The following HDLBP variants were observed in gnomAD, a reference collection of about 807,000 sequenced individuals.
HDLBP encodes vigilin.
A neutral mutation model predicts 137.3 loss-of-function variants in HDLBP; 30 were observed. The ratio of observed to expected loss-of-function variants is 0.22; its 90% CI spans 0.16 to 0.30. HDLBP has a LOEUF of 0.30. Among genes scored for constraint, HDLBP ranks in the 10% least tolerant of loss-of-function variants. The pLI, the probability that HDLBP is intolerant of heterozygous loss-of-function variation, is 1.00. For synonymous variants in HDLBP, 606 were observed against 596.0 expected (o/e 1.02, Z -0.24); for missense variants, 1,119 against 1,667.3 (o/e 0.67, Z 5.73).
chr2:241,252,028 C>T (rs367764341), intron 11 of HDLBP, among the ~76,000 whole-genome samples: 21 of 152,230 alleles, frequency 1.4e-4, no homozygotes, highest in African/African-American at 5.1e-4. Flanking sequence ...AGAATGCCCA[C>T]GACACACTTC....
intron 1 of HDLBP, chr2:241,270,997 C>A: frequency 1.0e-6 from 1 of 985,198 alleles, no homozygotes; most frequent in Non-Finnish European, 1.2e-6. Flanking sequence ...AAATTCATGG[C>A]CTTCTCAGGG....
In HDLBP at chr2:241,238,391, C is replaced by T. The variant is rs958973567; in HGVS notation, c.2749+258G>A. On this transcript the variant is annotated intron_variant, in intron 20 of 27. Coordinates refer to ENST00000310931, the MANE Select transcript of HDLBP (RefSeq NM_005336.6). This position sits in a 1 kb window ranked among gnomAD's most constrained non-coding sequence, Gnocchi z 4.9. Reference sequence around the variant, plus strand: ...CGGGACACCCGAGGATGAGGCTGCACGCTCCTCATCGCCTTGGGACTGGCT... The same window carrying T: ...CGGGACACCCGAGGATGAGGCTGCATGCTCCTCATCGCCTTGGGACTGGCT... 9.5e-6 allele frequency: 3 copies of T among 316,360 alleles called. No homozygotes were observed. The highest frequency in any genetic ancestry group is 4.3e-5 in the African/African-American group (2 of 46,816). 19.6% of individuals were successfully genotyped at this position (316,360 alleles called of 1,614,324 possible). A position where few individuals can be genotyped will look rare whatever the true frequency, so the allele number is the denominator to read the frequency against.
intron 1 of HDLBP, among the ~76,000 whole-genome samples, chr2:241,305,584 G>A (rs112446726): frequency 1.8e-4 from 28 of 152,308 alleles, no homozygotes; most frequent in African/African-American, 6.7e-4. Context: ...ACCACAGGAT[G>A]TAAGCATCTC....
chr2:241,232,275 CTTTTTTT>C (rs146304027), intron 24 of HDLBP, among the ~76,000 whole-genome samples: 1 of 143,462 alleles, frequency 7.0e-6, no homozygotes, highest in South Asian at 2.2e-4. Context: ...TAAACAATGA[CTTTTTTT>C]TTTTTTTTTT....
intron 5 of HDLBP, among the ~76,000 whole-genome samples, chr2:241,258,208 A>G (rs559984718): frequency 4.6e-5 from 7 of 152,016 alleles, no homozygotes; most frequent in Admixed American, 2.6e-4. Context: ...AAAAATTAGC[A>G]TGGTGGCAGG....
rs753509915 is a variant in HDLBP, at chr2:241,230,821, C to T, written c.3412G>A (p.Val1138Ile). 22 of 1,614,108 alleles carry T rather than the reference C, an allele frequency of 1.4e-5. No homozygotes were observed. The highest frequency in any genetic ancestry group is 3.3e-5 in the Admixed American group (2 of 60,012). Residue 1138 changes from valine (V) to isoleucine (I), a missense_variant, in exon 25 of 28, where the codon GTT becomes ATT. Val to Ile is a conservative substitution (Grantham distance 29). Transcript: ENST00000310931. This position sits in a 1 kb window ranked among gnomAD's most constrained non-coding sequence, Gnocchi z 5.0. ...VSEDVPLDHR[V>I]HARIIGARGK... ...CGGGCACCAATGATGCGGGCGTGAACGCGGTGGTCCAGCGGGACGTCCTCA... is the reference window on the plus strand; with the variant it reads ...CGGGCACCAATGATGCGGGCGTGAATGCGGTGGTCCAGCGGGACGTCCTCA...
chr2:241,267,936 T>G, intron 2 of HDLBP: 2 of 985,396 alleles, frequency 2.0e-6, no homozygotes, highest in Non-Finnish European at 2.4e-6. Context: ...CTCCCTTATG[T>G]GAAAAATGGG....
At chr2:241,253,792 T>C (rs1450321412) in intron 9 of HDLBP, among the ~76,000 whole-genome samples, 1 of 152,188 alleles carries the variant, frequency 6.6e-6, no homozygotes, top group African/African-American at 2.4e-5. Context: ...TCCTCCACCA[T>C]CTGAACTTTT....
intron 21 of HDLBP, 122 bp downstream of exon 21, chr2:241,236,493 A>T: frequency 1.0e-6 from 1 of 967,492 alleles, no homozygotes; most frequent in Non-Finnish European, 1.6e-6. Context: ...TAGGAGCAAG[A>T]GGGCTACCTC....
rs2070844244 is a variant in HDLBP, at chr2:241,238,629, A to G, written c.2749+20T>C. 1 of 1,529,320 alleles carries G rather than the reference A, an allele frequency of 6.5e-7. No individual in the cohort carries two copies. The allele number at this position is 1,529,320 out of a possible 1,614,324, so 94.7% of individuals were successfully genotyped here. A position where few individuals can be genotyped will look rare whatever the true frequency, so the allele number is the denominator to read the frequency against. ...AGGCGCCACTATTAACAAGCAGAGCAGGGCTAATGGGGGACCCACCTGCGT... is the reference window on the plus strand; with the variant it reads ...AGGCGCCACTATTAACAAGCAGAGCGGGGCTAATGGGGGACCCACCTGCGT... On this transcript the variant is annotated intron_variant, in intron 20 of 27. Coordinates refer to ENST00000310931, the MANE Select transcript of HDLBP (RefSeq NM_005336.6). This position sits in a 1 kb window ranked among gnomAD's most constrained non-coding sequence, Gnocchi z 4.9.
Position 241,239,652 on chromosome 2 carries a change from C to T in HDLBP, c.2560G>A (p.Asp854Asn). 6.2e-7 allele frequency: 1 copy of T among 1,614,228 alleles called. No individual in the cohort carries two copies. The highest frequency in any genetic ancestry group is 8.5e-7 in the Non-Finnish European group (1 of 1,180,046). Reference sequence around the variant, plus strand: ...CGTTTCTTGGCTGCCTCCACACAGTCCTTGGCGCCCTTGAGGGTGACTTTG... The same window carrying T: ...CGTTTCTTGGCTGCCTCCACACAGTTCTTGGCGCCCTTGAGGGTGACTTTG... ...SDKVTLKGAK[D>N]CVEAAKKRIQ... The change falls in exon 19 of 28, where the codon GAC (aspartate) becomes AAC (asparagine). Residue 854 changes from aspartate to asparagine, a missense_variant. Physicochemically the swap from Asp to Asn is conservative, Grantham distance 23. Coordinates refer to ENST00000310931, the MANE Select transcript of HDLBP (RefSeq NM_005336.6). This position sits in a 1 kb window ranked among gnomAD's most constrained non-coding sequence, Gnocchi z 4.6.
chr2:241,246,125 C>A (rs539238333), intron 16 of HDLBP, among the ~76,000 whole-genome samples: 1 of 152,086 alleles, frequency 6.6e-6, no homozygotes, highest in Non-Finnish European at 1.5e-5. Flanking sequence ...ACAACACACA[C>A]AAATGTCAAA....
chr2:241,260,096 C>A (rs539155693), intron 5 of HDLBP, among the ~76,000 whole-genome samples: 2 of 152,106 alleles, frequency 1.3e-5, no homozygotes, highest in African/African-American at 4.8e-5. Context: ...CTCTGCCTCC[C>A]GGGTTCAAGT....
intron 1 of HDLBP, among the ~76,000 whole-genome samples, chr2:241,285,701 A>C (rs1180831121): frequency 6.6e-6 from 1 of 152,232 alleles, no homozygotes. Flanking sequence ...TATTAAATTT[A>C]CCACACTGAA....
At chr2:241,271,946 A>G (rs1364784087) in intron 1 of HDLBP, 1 of 152,582 alleles carries the variant, frequency 6.6e-6, no homozygotes, top group Non-Finnish European at 1.5e-5. Flanking sequence ...CCCATCCTGC[A>G]TGGAGGAACT....
chr2:241,276,953 C>T (rs933327464), intron 1 of HDLBP, among the ~76,000 whole-genome samples: 5 of 150,396 alleles, frequency 3.3e-5, no homozygotes, highest in African/African-American at 1.2e-4. Context: ...AAAGTGACAC[C>T]TTTTTAAAAA....
At position 241,239,106 on chromosome 2, in the gene HDLBP, GA is replaced by G. The variant is rs1226393918; in HGVS notation, c.2611-320del. On this transcript the variant is annotated intron_variant, in intron 19 of 27. Coordinates refer to ENST00000310931, the MANE Select transcript of HDLBP (RefSeq NM_005336.6). This position sits in a 1 kb window ranked among gnomAD's most constrained non-coding sequence, Gnocchi z 4.6. The stretch of plus-strand genomic sequence containing the variant: ...GGAGGCATCAGACTTGATTATTAGG[GA>G]AAGGGAATCCAAGGCCCTGGCAGGG... 2.6e-4 allele frequency among the ~76,000 whole-genome samples: 40 copies of G among 152,234 alleles called. No homozygotes were observed. Among genetic ancestry groups the G allele is most frequent in the African/African-American group, 9.4e-4 (39 of 41,558 alleles).
At chr2:241,314,412 A>G (rs1412758923) in intron 1 of HDLBP, among the ~76,000 whole-genome samples, 2 of 152,204 alleles carry the variant, frequency 1.3e-5, no homozygotes, top group Admixed American at 1.3e-4. Flanking sequence ...GTTTTAAGGA[A>G]GTTAGCTGCT....
intron 1 of HDLBP, among the ~76,000 whole-genome samples, chr2:241,312,304 G>A (rs763888982): frequency 1.3e-5 from 2 of 152,120 alleles, no homozygotes; most frequent in African/African-American, 2.4e-5. Context: ...CATCTTCAAC[G>A]GTATTCGAGG....
Sources: gnomAD v4.1 joint callset for allele counts (sites outside exome capture counted in the v4.1 genomes callset) on GRCh38, gnomAD v4.1.1 for gene constraint, Gnocchi (gnomAD v3.1) non-coding constraint, MANE v1.5 for transcripts, NCBI Gene and HGNC (gene_info 2026-07-23, HGNC 2026-07-21) for gene names.